The following CUEDC1 variants were observed in gnomAD, a reference collection of about 807,000 sequenced individuals.
CUEDC1 encodes CUE domain-containing protein 1.
CUEDC1 carries 30 observed loss-of-function variants against 43.7 expected under a neutral mutation model. The observed-to-expected ratio is 0.69, with a 90% CI of 0.51 to 0.93. The LOEUF (loss-of-function observed/expected upper bound fraction) is 0.93. Among genes scored for constraint, CUEDC1 ranks in the 40% least tolerant of loss-of-function variants. The pLI, the probability that CUEDC1 is intolerant of heterozygous loss-of-function variation, is 0.00. For synonymous variants in CUEDC1, 223 were observed against 223.6 expected (o/e 1.00, Z 0.02); for missense variants, 486 against 549.0 (o/e 0.89, Z 1.15).
At chr17:57,947,070 G>A (rs1182850940) in intron 1 of CUEDC1, among the ~76,000 whole-genome samples, 1 of 150,326 alleles carries the variant, frequency 6.7e-6, no homozygotes, top group Non-Finnish European at 1.5e-5. Context: ...ATCATTTCAG[G>A]AGCCTGATCA....
intron 2 of CUEDC1, among the ~76,000 whole-genome samples, chr17:57,881,401 A>G (rs1227372990): frequency 6.6e-6 from 1 of 152,052 alleles, no homozygotes; most frequent in Admixed American, 6.5e-5. Flanking sequence ...AAAGGAAAAA[A>G]GAGAGAGAAC....
intron 1 of CUEDC1, among the ~76,000 whole-genome samples, chr17:57,904,575 T>G (rs577252148): frequency 6.6e-6 from 1 of 152,174 alleles, no homozygotes; most frequent in South Asian, 2.1e-4. Flanking sequence ...TCCCCGGGAA[T>G]GGCCCCTGCT....
At chr17:57,902,235 G>A (rs145991262) in intron 1 of CUEDC1, among the ~76,000 whole-genome samples, 1 of 151,974 alleles carries the variant, frequency 6.6e-6, no homozygotes, top group African/African-American at 2.4e-5. Flanking sequence ...AAACCATGAT[G>A]CATTCAGTGC....
At chr17:57,939,832 C>T (rs893014638) in intron 1 of CUEDC1, among the ~76,000 whole-genome samples, 2 of 152,268 alleles carry the variant, frequency 1.3e-5, no homozygotes, top group African/African-American at 4.8e-5. Context: ...TATTTGGGAG[C>T]TGAGGGGCCA....
intron 1 of CUEDC1, among the ~76,000 whole-genome samples, chr17:57,909,982 T>G (rs894967744): frequency 1.3e-5 from 2 of 152,096 alleles, no homozygotes; most frequent in Non-Finnish European, 2.9e-5. Flanking sequence ...GTTCTGGTTT[T>G]GTTTTGTTTT....
intron 1 of CUEDC1, among the ~76,000 whole-genome samples, chr17:57,952,149 A>C (rs1177405415): frequency 6.6e-6 from 1 of 152,206 alleles, no homozygotes; most frequent in African/African-American, 2.4e-5. Flanking sequence ...TTCCCAAGTC[A>C]AGGACCACTG....
chr17:57,926,110 A>T (rs1196491433), intron 1 of CUEDC1, among the ~76,000 whole-genome samples: 1 of 152,190 alleles, frequency 6.6e-6, no homozygotes, highest in Non-Finnish European at 1.5e-5. Flanking sequence ...GAGACCCACC[A>T]ATACTGGAAT....
intron 1 of CUEDC1, among the ~76,000 whole-genome samples, chr17:57,896,050 C>A (rs1221474175): frequency 6.6e-6 from 1 of 152,124 alleles, no homozygotes; most frequent in African/African-American, 2.4e-5. Context: ...CCGAACATGC[C>A]CAGGTAATCC....
chr17:57,950,142 C>G (rs1022375517), intron 1 of CUEDC1, among the ~76,000 whole-genome samples: 1 of 152,086 alleles, frequency 6.6e-6, no homozygotes, highest in Non-Finnish European at 1.5e-5. Context: ...ACCCTTGGCC[C>G]CCACAGCTTC....
intron 1 of CUEDC1, among the ~76,000 whole-genome samples, chr17:57,949,564 CTTTTTTTTTTTT>C (rs1194743025): frequency 0.013 from 1,004 of 79,958 alleles, 34 homozygotes; most frequent in African/African-American, 0.062. Flanking sequence ...CTCTGACATA[CTTTTTTTTTTTT>C]TTTTTTTTTT....
intron 1 of CUEDC1, among the ~76,000 whole-genome samples, chr17:57,952,192 CATTTTATTTTATTTT>C (rs543420472): frequency 1.7e-4 from 25 of 151,380 alleles, no homozygotes; most frequent in African/African-American, 5.6e-4. Flanking sequence ...CAATGCCCTT[CATTTTATTTTATTTT>C]ATTTTATTTT....
At chr17:57,892,210 C>T (rs892766760) in intron 1 of CUEDC1, among the ~76,000 whole-genome samples, 9 of 152,268 alleles carry the variant, frequency 5.9e-5, no homozygotes, top group Admixed American at 2.6e-4. Context: ...TAAGGGAATG[C>T]GTTATTATCT....
At chr17:57,941,154 C>A (rs375430306) in intron 1 of CUEDC1, among the ~76,000 whole-genome samples, 1 of 152,184 alleles carries the variant, frequency 6.6e-6, no homozygotes, top group East Asian at 1.9e-4. Context: ...AAACAGAAGC[C>A]GCAAAAGACA....
Position 57,872,818 on chromosome 17 carries a change from C to T in CUEDC1, c.629G>A (p.Gly210Glu), listed in dbSNP as rs1483332865. 1 of 1,613,928 alleles carries T rather than the reference C, an allele frequency of 6.2e-7. No individual in the cohort carries two copies. The highest frequency in any genetic ancestry group is 2.2e-5 in the East Asian group (1 of 44,896). The change falls in exon 5 of 11, where the codon GGA (glycine) becomes GAA (glutamate). Residue 210 changes from glycine to glutamate, a missense_variant. Gly to Glu is a moderately conservative substitution (Grantham distance 98). Transcript: ENST00000577830. ...TGGCCCAGCCATGGCAGGTGGACAT[C>T]CCTCTCCACTCCCAGGCTTGGGGCC... Reference protein sequence around the residue: ...AGGPKPGSGEGCPPAMAGPGP... With the variant: ...AGGPKPGSGEECPPAMAGPGP...
At chr17:57,902,542 G>T (rs996469115) in intron 1 of CUEDC1, among the ~76,000 whole-genome samples, 8 of 152,238 alleles carry the variant, frequency 5.3e-5, no homozygotes, top group Non-Finnish European at 7.3e-5. Context: ...AAAGAGGAAG[G>T]ATGAACAGGA....
In CUEDC1 at chr17:57,930,960, C is replaced by T. The variant is rs9899721; in HGVS notation, c.-316+24265G>A. ...TCCTTAGTGCCAACCTCAGTCTCTC[C>T]TAGTTCCATTTCTGGCACAAGGACT... On this transcript the variant is annotated intron_variant, in intron 1 of 10. Coordinates refer to ENST00000577830, the MANE Select transcript of CUEDC1 (RefSeq NM_001271875.2). The surrounding 1 kb of genome is among the most constrained non-coding windows in gnomAD (Gnocchi z 4.2). Among the ~76,000 whole-genome samples the T allele has an allele frequency of 0.13, 20,018 of 152,126 alleles. 2,053 individuals carry two copies. Among genetic ancestry groups the T allele is most frequent in the African/African-American group, 0.27 (11,144 of 41,448 alleles).
intron 1 of CUEDC1, among the ~76,000 whole-genome samples, chr17:57,910,548 G>T (rs901180693): frequency 5.9e-5 from 9 of 151,646 alleles, no homozygotes; most frequent in African/African-American, 2.2e-4. Context: ...GATCGCTTGA[G>T]CCCAGGTGTC....
chr17:57,921,824 C>A (rs2143112000), intron 1 of CUEDC1, among the ~76,000 whole-genome samples: 1 of 152,188 alleles, frequency 6.6e-6, no homozygotes. Flanking sequence ...TCTTAGAAGT[C>A]AGATTTGGTC....
intron 1 of CUEDC1, among the ~76,000 whole-genome samples, chr17:57,893,785 T>C (rs2074380948): frequency 6.6e-6 from 1 of 152,230 alleles, no homozygotes; most frequent in Non-Finnish European, 1.5e-5. Context: ...ACCACTCATC[T>C]CTTCTACATC....
Sources: allele counts gnomAD v4.1 joint callset (sites outside exome capture counted in the v4.1 genomes callset), GRCh38; gene constraint gnomAD v4.1.1; non-coding constraint Gnocchi (gnomAD v3.1); transcripts MANE v1.5; gene names NCBI Gene and HGNC (gene_info 2026-07-23, HGNC 2026-07-21).